ALMS1: variants seen among roughly 807,000 people sequenced by gnomAD.
ALMS1 encodes the protein ALMS1 centrosome and basal body associated protein.
Under a neutral mutation model 352.2 loss-of-function variants are expected in ALMS1, and 271 were observed. The observed-to-expected ratio is 0.77, with a 90% CI of 0.70 to 0.85. ALMS1 has a LOEUF of 0.85. ALMS1 is among the 40% of genes least tolerant of loss of function. The pLI is 0.00. For missense variants in ALMS1, 5,445 were observed against 4,870.7 expected (o/e 1.12, Z -3.51); for synonymous variants, 1,865 against 1,761.2 (o/e 1.06, Z -1.48).
At position 73,602,173 on chromosome 2, in the gene ALMS1, T is replaced by C; in HGVS notation, c.12115-12T>C. On this transcript the variant is annotated splice_polypyrimidine_tract_variant and intron_variant, in intron 19 of 22. Transcript: ENST00000613296. ...CTGAGGCTGGGCATTTTCTCTTTTT[T>C]TTTTCTTTTAGGAATCGCTTCAGTT... The C allele has an allele frequency of 6.2e-7, 1 of 1,612,200 alleles. No individual in the cohort carries two copies. Among genetic ancestry groups the C allele is most frequent in the Non-Finnish European group, 8.5e-7 (1 of 1,179,026 alleles).
chr2:73,455,440 G>C, intron 9 of ALMS1, 145 bp downstream of exon 9: 4 of 1,039,968 alleles, frequency 3.8e-6, no homozygotes, highest in Non-Finnish European at 4.2e-6. Flanking sequence ...GTCTTGCTCT[G>C]TTGCCCAGGC....
At position 73,481,709 on chromosome 2, in the gene ALMS1, G is replaced by A. The variant is rs1572961730; in HGVS notation, c.7675-7925G>A. On this transcript the variant is annotated intron_variant, in intron 9 of 22. Coordinates refer to ENST00000613296, the MANE Select transcript of ALMS1 (RefSeq NM_001378454.1). ...CGATATTGATTCTTCCTACCCATGA[G>A]CATGGAATGTTCTTCCATTTGTTTG... 3.3e-5 allele frequency among the ~76,000 whole-genome samples: 5 copies of A among 151,186 alleles called. No individual in the cohort carries two copies. The South Asian group carries it at 6.2e-4, about 19-fold the overall frequency.
chr2:73,506,951 C>T (rs1479873230), intron 10 of ALMS1, among the ~76,000 whole-genome samples: 1 of 152,128 alleles, frequency 6.6e-6, no homozygotes, highest in Non-Finnish European at 1.5e-5. Context: ...AGACATGTTC[C>T]ATCAATACCT....
intron 1 of ALMS1, among the ~76,000 whole-genome samples, chr2:73,390,065 T>C (rs1670611949): frequency 6.6e-6 from 1 of 152,186 alleles, no homozygotes; most frequent in Non-Finnish European, 1.5e-5. Flanking sequence ...CCACAGTTTT[T>C]TCTTTCCCCT....
At chr2:73,539,211 A>G (rs1227279993) in intron 12 of ALMS1, among the ~76,000 whole-genome samples, 4 of 152,214 alleles carry the variant, frequency 2.6e-5, no homozygotes, top group Non-Finnish European at 4.4e-5. Flanking sequence ...TCAGGCGGCA[A>G]CATTTGCTGT....
At chr2:73,521,288 CT>C (rs1421612731) in intron 11 of ALMS1, among the ~76,000 whole-genome samples, 2 of 152,006 alleles carry the variant, frequency 1.3e-5, no homozygotes, top group African/African-American at 2.4e-5. Context: ...TACTCACAGG[CT>C]TATGGGTCAA....
intron 7 of ALMS1, among the ~76,000 whole-genome samples, chr2:73,437,172 T>TA (rs1671620202): frequency 1.3e-5 from 2 of 152,316 alleles, no homozygotes; most frequent in African/African-American, 4.8e-5. Context: ...TCATTCTCCT[T>TA]ATGGAGATGT....
Position 73,449,165 on chromosome 2 carries a change from C to T in ALMS1, c.2638C>T (p.Leu880=). The T allele has an allele frequency of 6.2e-7, 1 of 1,614,134 alleles. No individual in the cohort carries two copies. Among genetic ancestry groups the T allele is most frequent in the Non-Finnish European group, 8.5e-7 (1 of 1,180,000 alleles). ...FYQQTLPNSH[L]TEEALKVSIV... ...TCAGCAGACCTTACCCAATAGTCAT[C>T]TAACTGAAGAGGCTCTGAAAGTATC... Residue 880 remains leucine, a synonymous_variant, in exon 8 of 23, where the codon CTA becomes TTA. Coordinates refer to ENST00000613296, the MANE Select transcript of ALMS1 (RefSeq NM_001378454.1).
chr2:73,517,053 C>G (rs1167394246), intron 10 of ALMS1, among the ~76,000 whole-genome samples: 1 of 151,780 alleles, frequency 6.6e-6, no homozygotes, highest in Non-Finnish European at 1.5e-5. Context: ...CCTCCCATAC[C>G]ACCAAAAAAA....
rs778555094 is a variant in ALMS1, at chr2:73,426,556, G to A, written c.1338+3G>A. ...GAGTTGCTGAACTACAAAGAAAGGT[G>A]AGACACAATAAAATGATAGTTGTAA... On this transcript the variant is annotated splice_donor_region_variant and intron_variant, in intron 6 of 22. Coordinates refer to ENST00000613296, the MANE Select transcript of ALMS1 (RefSeq NM_001378454.1). 7 of 1,613,292 alleles carry A rather than the reference G, an allele frequency of 4.3e-6. No homozygotes were observed. The African/African-American group carries it at 8.0e-5, about 18-fold the overall frequency.
At position 73,449,435 on chromosome 2, in the gene ALMS1, CCAGA is replaced by C. The variant is rs1671880172; in HGVS notation, c.2912_2915del (p.Asp971ValfsTer8). 11 of 1,613,894 alleles carry C rather than the reference CCAGA, an allele frequency of 6.8e-6. No individual in the cohort carries two copies. Among genetic ancestry groups the C allele is most frequent in the Admixed American group, 3.3e-5 (2 of 59,994 alleles). ...TAGTGTTTTCTACCAGCAAGAGTTG[CCAGA>C]CAGTGATCTACCTAGAGAATCTCTG... On this transcript the variant is annotated frameshift_variant, in exon 8 of 23. Coordinates refer to ENST00000613296, the MANE Select transcript of ALMS1 (RefSeq NM_001378454.1). LOFTEE classifies it high-confidence loss of function.
At chr2:73,514,510 G>A (rs1043669934) in intron 10 of ALMS1, among the ~76,000 whole-genome samples, 4 of 152,012 alleles carry the variant, frequency 2.6e-5, no homozygotes, top group Non-Finnish European at 5.9e-5. Context: ...GAATCCCACA[G>A]GACATTATTA....
At chr2:73,543,147 G>T (rs1028779012) in intron 12 of ALMS1, among the ~76,000 whole-genome samples, 5 of 152,172 alleles carry the variant, frequency 3.3e-5, no homozygotes, top group Admixed American at 6.5e-5. Context: ...AAAACAGCAT[G>T]GTACTGGTAC....
rs771226996 is a variant in ALMS1, at chr2:73,603,309, G to C, written c.12362+5G>C. 12 of 1,613,900 alleles carry C rather than the reference G, an allele frequency of 7.4e-6. No homozygotes were observed. The highest frequency in any genetic ancestry group is 1.3e-5 in the African/African-American group (1 of 74,950). ...AATGATTCAGAGGTCCAAACGGTAA[G>C]ACCAAGAAAACAAGAGTACGTATAC... On this transcript the variant is annotated splice_donor_5th_base_variant and intron_variant, in intron 21 of 22. Coordinates refer to ENST00000613296, the MANE Select transcript of ALMS1 (RefSeq NM_001378454.1).
Position 73,609,672 on chromosome 2 carries a change from T to C in ALMS1, c.*60T>C. ...ATTTTATGAACCTAGAGAAGCAGAATCCTTACTTTTGTGAGTCTGGTTGAA... is the reference window on the plus strand; with the variant it reads ...ATTTTATGAACCTAGAGAAGCAGAACCCTTACTTTTGTGAGTCTGGTTGAA... On this transcript the variant is annotated 3_prime_UTR_variant, in exon 23 of 23. Coordinates refer to ENST00000613296, the MANE Select transcript of ALMS1 (RefSeq NM_001378454.1). The C allele has an allele frequency of 6.5e-7, 1 of 1,528,052 alleles. No homozygotes were observed. Among genetic ancestry groups the C allele is most frequent in the Non-Finnish European group, 9.1e-7 (1 of 1,101,834 alleles). The allele number at this position is 1,528,052 out of a possible 1,614,324, so 94.7% of individuals were successfully genotyped here. A position where few individuals can be genotyped will look rare whatever the true frequency, so the allele number is the denominator to read the frequency against.
At chr2:73,546,031 T>C (rs184447654) in intron 12 of ALMS1, among the ~76,000 whole-genome samples, 1 of 152,322 alleles carries the variant, frequency 6.6e-6, no homozygotes, top group East Asian at 1.9e-4. Flanking sequence ...CAGTGCTATG[T>C]TACAAGCTTG....
chr2:73,458,645 C>G (rs1672123255), intron 9 of ALMS1: 1 of 152,146 alleles, frequency 6.6e-6, no homozygotes, highest in South Asian at 2.1e-4. Flanking sequence ...GAAAGTAAGG[C>G]AGTTAACAGT....
At chr2:73,508,176 T>G (rs1220291495) in intron 10 of ALMS1, among the ~76,000 whole-genome samples, 1 of 150,246 alleles carries the variant, frequency 6.7e-6, no homozygotes, top group Non-Finnish European at 1.5e-5. Flanking sequence ...TCTTTTCTTT[T>G]CTTTCCACCC....
At position 73,497,629 on chromosome 2, in the gene ALMS1, C is replaced by T. The variant is rs1190902138; in HGVS notation, c.9539+6131C>T. Among the ~76,000 whole-genome samples, 11 of 151,908 alleles carry T rather than the reference C, an allele frequency of 7.2e-5. No homozygotes were observed. In the East Asian group the frequency reaches 7.7e-4, roughly 11 times the overall value. The stretch of plus-strand genomic sequence containing the variant: ...GTACCTACCTTAATTTAAAAATTGT[C>T]GTTGGTTGATGGGCACTTAGGTTTT... On this transcript the variant is annotated intron_variant, in intron 10 of 22. Transcript: ENST00000613296.
Sources: allele counts gnomAD v4.1 joint callset (sites outside exome capture counted in the v4.1 genomes callset), GRCh38; gene constraint gnomAD v4.1.1; transcripts MANE v1.5; gene names NCBI Gene and HGNC (gene_info 2026-07-23, HGNC 2026-07-21).